Variants in TMEM52 observed in about 807,000 individuals in gnomAD.
The protein encoded by TMEM52 is transmembrane protein 52.
Under a neutral mutation model 16.2 loss-of-function variants are expected in TMEM52, and 14 were observed. The observed-to-expected ratio is 0.87, with a 90% CI of 0.57 to 1.35. TMEM52 has a LOEUF of 1.35. TMEM52 is among the 40% of genes most tolerant of loss of function. The probability of loss-of-function intolerance (pLI) is 0.00; values close to 1 mark genes in which losing one functional copy is unlikely to be tolerated. For missense variants in TMEM52, 309 were observed against 278.6 expected (o/e 1.11, Z -0.78); for synonymous variants, 136 against 124.7 (o/e 1.09, Z -0.60).
intron 3 of TMEM52, 85 bp from the exon 4 acceptor site, chr1:1,918,516 A>G (rs1570796091): frequency 8.6e-7 from 1 of 1,161,426 alleles, no homozygotes; most frequent in East Asian, 2.5e-5. Context: ...CAACCACCGA[A>G]GACAGGTTAA....
At position 1,919,073 on chromosome 1, in the gene TMEM52, C is replaced by A; in HGVS notation, c.100G>T (p.Ala34Ser). The change falls in exon 2 of 5, where the codon GCG becomes TCG. Residue 34 changes from alanine to serine, a missense_variant. Ala to Ser is a moderately conservative substitution (Grantham distance 99). Transcript: ENST00000310991. ...TCCGAGGGGTCGCAGCTGCCGTCCG[C>A]GAAGCCCAGCGCCACCTGTGGGGAC... ...LPLPQVALGF[A>S]DGSCDPSDQC... 7.5e-7 allele frequency: 1 copy of A among 1,338,794 alleles called. No homozygotes were observed. The highest frequency in any genetic ancestry group is 2.0e-5 in the South Asian group (1 of 51,254). 82.9% of individuals were successfully genotyped at this position (1,338,794 alleles called of 1,614,324 possible).
At chr1:1,918,656 G>A (rs910192385) in intron 3 of TMEM52, 4 of 689,246 alleles carry the variant, frequency 5.8e-6, no homozygotes, top group Non-Finnish European at 1.0e-5. Flanking sequence ...TCACTCCCAG[G>A]ACTCGCTGTC....
At chr1:1,918,970 T>A (rs1398047030) in intron 2 of TMEM52, 36 bp from the exon 3 acceptor site, 6 of 1,350,416 alleles carry the variant, frequency 4.4e-6, no homozygotes, top group Non-Finnish European at 5.7e-6. Flanking sequence ...AGGCGGGGCA[T>A]GGGACGGCCG....
At position 1,917,859 on chromosome 1, in the gene TMEM52, T is replaced by C. The variant is rs1223016856; in HGVS notation, c.*23A>G. 1 of 1,605,910 alleles carries C rather than the reference T, an allele frequency of 6.2e-7. No individual in the cohort carries two copies. Among genetic ancestry groups the C allele is most frequent in the Non-Finnish European group, 8.5e-7 (1 of 1,174,860 alleles). On this transcript the variant is annotated 3_prime_UTR_variant, in exon 5 of 5. Coordinates refer to ENST00000310991, the MANE Select transcript of TMEM52 (RefSeq NM_178545.4). ...GGCTCCAAGCATTAGTTCTCCAAGC[T>C]CTGGTCCGTTCTCCTACCTCCTTCA...
At chr1:1,918,567 GCCGTGGC>G in intron 3 of TMEM52, 136 bp from the exon 4 acceptor site, 1 of 875,780 alleles carries the variant, frequency 1.1e-6, no homozygotes, top group Non-Finnish European at 1.9e-6. Context: ...GTCGGAGACC[GCCGTGGC>G]CAGAGCCTGG....
Position 1,918,162 on chromosome 1 carries a change from G to C in TMEM52, c.350C>G (p.Ser117Cys), listed in dbSNP as rs149111256. Residue 117 changes from serine (S) to cysteine (C), a missense_variant and splice_region_variant, in exon 5 of 5, where the codon TCC becomes TGC. Physicochemically the swap from Ser to Cys is moderately radical, Grantham distance 112 (BLOSUM62 -1). Coordinates refer to ENST00000310991, the MANE Select transcript of TMEM52 (RefSeq NM_178545.4). ...SDSPVHSTVT[S>C]YSSVQYPLGM... is the part of the protein sequence containing the mutation. ...CAGTGGGTACTGCACGGAGCTGTAG[G>C]CTGCAGGGAACCAGAGTGGGTTCGT... The C allele has an allele frequency of 2.5e-4, 398 of 1,611,122 alleles. 1 individual carries two copies. The highest frequency in any genetic ancestry group is 3.3e-4 in the Non-Finnish European group (391 of 1,178,480).
chr1:1,919,024 G>A (rs1233151012), intron 2 of TMEM52, 21 bp downstream of exon 2: 4 of 1,336,584 alleles, frequency 3.0e-6, no homozygotes, highest in Non-Finnish European at 3.8e-6. Flanking sequence ...CCAGGCCCCG[G>A]CTCCCTCCCC....
intron 3 of TMEM52, 27 bp from the exon 4 acceptor site, chr1:1,918,458 A>G: frequency 6.3e-7 from 1 of 1,598,804 alleles, no homozygotes; most frequent in Non-Finnish European, 8.5e-7. Flanking sequence ...CTACCACTGG[A>G]CTGACCCTCG....
In TMEM52 at chr1:1,919,164, G is replaced by C; in HGVS notation, c.84+18C>G. ...GCCCCGCGGTGGCCGAACCGAGAGA[G>C]AACGCCGCCCGACCCACCTGCGGCA... On this transcript the variant is annotated intron_variant, in intron 1 of 4. Transcript: ENST00000310991. 1 of 1,368,204 alleles carries C rather than the reference G, an allele frequency of 7.3e-7. No individual in the cohort carries two copies. The highest frequency in any genetic ancestry group is 9.4e-7 in the Non-Finnish European group (1 of 1,067,080). The allele number at this position is 1,368,204 out of a possible 1,614,324, so 84.8% of individuals were successfully genotyped here.
Position 1,917,605 on chromosome 1 carries a change from A to G in TMEM52, c.*277T>C. 2 of 558,946 alleles carry G rather than the reference A, an allele frequency of 3.6e-6. No homozygotes were observed. 34.6% of individuals were successfully genotyped at this position (558,946 alleles called of 1,614,324 possible). A position where few individuals can be genotyped will look rare whatever the true frequency, so the allele number is the denominator to read the frequency against. On this transcript the variant is annotated 3_prime_UTR_variant, in exon 5 of 5. Coordinates refer to ENST00000310991, the MANE Select transcript of TMEM52 (RefSeq NM_178545.4). ...ATAGGCAGAGACCACTTAAATACAA[A>G]CTTTATTCTCTCTCCAAGAAGATGC...
Position 1,919,209 on chromosome 1 carries a change from CGG to C in TMEM52, c.55_56del (p.Pro19AlafsTer89). The C allele has an allele frequency of 7.3e-7, 1 of 1,366,174 alleles. No individual in the cohort carries two copies. The highest frequency in any genetic ancestry group is 9.4e-7 in the Non-Finnish European group (1 of 1,067,468). 84.6% of individuals were successfully genotyped at this position (1,366,174 alleles called of 1,614,324 possible). On this transcript the variant is annotated frameshift_variant, in exon 1 of 5. Coordinates refer to ENST00000310991, the MANE Select transcript of TMEM52 (RefSeq NM_178545.4). LOFTEE classifies it high-confidence loss of function. ...RGLRLLLPLLPLLPLLPLPQV... is the reference protein window; with the variant it reads ...RGLRLLLPLLXLLPLLPLPQV... The stretch of plus-strand genomic sequence containing the variant: ...GCGGCAGCGGCAGGAGCGGCAGGAG[CGG>C]CAGGAGCGGCAGCAGCAGCCGCAGT...
rs757679890 is a variant in TMEM52 at position 1,918,559 on chromosome 1, C to CG, written c.171-129dup. ...AAAAGCAGACAATGTCTCTCCATGT[C>CG]GGAGACCGCCGTGGCCAGAGCCTGG... On this transcript the variant is annotated intron_variant, in intron 3 of 4. Transcript: ENST00000310991. The CG allele has an allele frequency of 3.1e-4, 286 of 907,940 alleles. 1 individual carries two copies. In the Middle Eastern group the frequency reaches 8.6e-3, roughly 27 times the overall value. 56.2% of individuals were successfully genotyped at this position (907,940 alleles called of 1,614,324 possible).
Position 1,919,028 on chromosome 1 carries a change from C to T in TMEM52, c.128+17G>A. On this transcript the variant is annotated intron_variant, in intron 2 of 4. Coordinates refer to ENST00000310991, the MANE Select transcript of TMEM52 (RefSeq NM_178545.4). ...ATAGGGCGGGGCCAGGCCCCGGCTC[C>T]CTCCCCCCCGACTTACTGGTCCGAG... The T allele has an allele frequency of 7.5e-7, 1 of 1,336,998 alleles. No individual in the cohort carries two copies. The highest frequency in any genetic ancestry group is 9.5e-7 in the Non-Finnish European group (1 of 1,048,210). 82.8% of individuals were successfully genotyped at this position (1,336,998 alleles called of 1,614,324 possible). A position where few individuals can be genotyped will look rare whatever the true frequency, so the allele number is the denominator to read the frequency against.
intron 2 of TMEM52, 54 bp downstream of exon 2, chr1:1,918,991 C>T: frequency 7.4e-7 from 1 of 1,345,444 alleles, no homozygotes; most frequent in African/African-American, 1.5e-5. Context: ...ACCTCGCCAC[C>T]CGTGCCTCCC....
At chr1:1,918,867 A>G (rs1180515920) in intron 3 of TMEM52, 26 bp downstream of exon 3, 2 of 1,476,124 alleles carry the variant, frequency 1.4e-6, no homozygotes, top group Non-Finnish European at 8.9e-7. Context: ...CGTCGGACGC[A>G]CGGCTCCGCC....
rs1225760265 is a variant in TMEM52 at position 1,918,233 on chromosome 1, G to A, written c.349+20C>T. ...CCCCCGCCATCTCCACCCTCAACTG[G>A]CGGGCCCCTAGGCACTCACAGGTCA... On this transcript the variant is annotated intron_variant, in intron 4 of 4. Coordinates refer to ENST00000310991, the MANE Select transcript of TMEM52 (RefSeq NM_178545.4). 1.2e-6 allele frequency: 2 copies of A among 1,608,560 alleles called. No individual in the cohort carries two copies. The highest frequency in any genetic ancestry group is 1.3e-5 in the African/African-American group (1 of 74,956).
Position 1,918,905 on chromosome 1 carries a change from A to G in TMEM52, c.158T>C (p.Leu53Pro). Reference protein sequence around the residue: ...QCPPQARWSSLWHVGLILLAV... With the variant: ...QCPPQARWSSPWHVGLILLAV... Reference sequence around the variant, plus strand: ...GGCCTCCACTTACCCCACGTGCCACAGGCTGCTCCAGCGGGCCTGGGGCGG... The same window carrying G: ...GGCCTCCACTTACCCCACGTGCCACGGGCTGCTCCAGCGGGCCTGGGGCGG... The change falls in exon 3 of 5, where the codon CTG becomes CCG. Residue 53 changes from leucine (L) to proline (P), a missense_variant. Coordinates refer to ENST00000310991, the MANE Select transcript of TMEM52 (RefSeq NM_178545.4). 7.1e-7 allele frequency: 1 copy of G among 1,413,710 alleles called. No individual in the cohort carries two copies. The highest frequency in any genetic ancestry group is 1.6e-5 in the South Asian group (1 of 63,260). 87.6% of individuals were successfully genotyped at this position (1,413,710 alleles called of 1,614,324 possible).
rs1403322149 is a variant in TMEM52, at chr1:1,918,883, C to A, written c.170+10G>T. ...GTCGGACGCACGGCTCCGCCGCGGC[C>A]TCCACTTACCCCACGTGCCACAGGC... On this transcript the variant is annotated intron_variant, in intron 3 of 4. Transcript: ENST00000310991. 6 of 1,443,662 alleles carry A rather than the reference C, an allele frequency of 4.2e-6. No individual in the cohort carries two copies. The East Asian group carries it at 1.3e-4, about 32-fold the overall frequency. The allele number at this position is 1,443,662 out of a possible 1,614,324, so 89.4% of individuals were successfully genotyped here. A position where few individuals can be genotyped will look rare whatever the true frequency, so the allele number is the denominator to read the frequency against.
Position 1,917,842 on chromosome 1 carries a change from G to C in TMEM52, c.*40C>G. The C allele has an allele frequency of 1.3e-6, 2 of 1,591,388 alleles. No individual in the cohort carries two copies. Among genetic ancestry groups the C allele is most frequent in the Non-Finnish European group, 1.7e-6 (2 of 1,166,186 alleles). On this transcript the variant is annotated 3_prime_UTR_variant, in exon 5 of 5. Transcript: ENST00000310991. ...GGTGGGCTGGGGCCCTTGGCTCCAAGCATTAGTTCTCCAAGCTCTGGTCCG... is the reference window on the plus strand; with the variant it reads ...GGTGGGCTGGGGCCCTTGGCTCCAACCATTAGTTCTCCAAGCTCTGGTCCG...
Sources: allele counts gnomAD v4.1 joint callset, GRCh38; gene constraint gnomAD v4.1.1; transcripts MANE v1.5; gene names NCBI Gene and HGNC (gene_info 2026-07-23, HGNC 2026-07-21).